Variants in MACF1 observed in about 807,000 individuals in gnomAD.
MACF1 encodes microtubule actin crosslinking factor 1.
MACF1 carries 193 observed loss-of-function variants against 854.8 expected under a neutral mutation model. The ratio of observed to expected loss-of-function variants is 0.23; its 90% confidence interval spans 0.20 to 0.25. The LOEUF is 0.25. Ranked by LOEUF, MACF1 falls within the 10% of genes least tolerant of loss-of-function variation. The probability of loss-of-function intolerance (pLI) is 1.00; values close to 1 mark genes in which losing one functional copy is unlikely to be tolerated. For missense variants in MACF1, 7,722 were observed against 8,929.1 expected (o/e 0.86, Z 5.45); for synonymous variants, 3,185 against 3,226.7 (o/e 0.99, Z 0.44).
chr1:39,363,909 G>C (rs1648439921), intron 49 of MACF1, among the ~76,000 whole-genome samples: 1 of 152,124 alleles, frequency 6.6e-6, no homozygotes, highest in South Asian at 2.1e-4. Context: ...ACCACACCTG[G>C]CCAACAAGAC....
At chr1:39,384,993 C>CTT (rs1650559380) in intron 56 of MACF1, among the ~76,000 whole-genome samples, 1 of 152,182 alleles carries the variant, frequency 6.6e-6, no homozygotes, top group African/African-American at 2.4e-5. Flanking sequence ...TAGCCTGGTC[C>CTT]TTTAGTTTTC....
intron 97 of MACF1, among the ~76,000 whole-genome samples, chr1:39,477,153 C>CACACACACACAA (rs1644923661): frequency 8.4e-6 from 1 of 119,246 alleles, no homozygotes; most frequent in South Asian, 2.7e-4. Flanking sequence ...CACACACACA[C>CACACACACACAA]AGATGTGCAA....
intron 2 of MACF1, among the ~76,000 whole-genome samples, chr1:39,137,813 C>T (rs1643220143): frequency 6.6e-6 from 1 of 152,078 alleles, no homozygotes; most frequent in African/African-American, 2.4e-5. Flanking sequence ...GTGGGTCATG[C>T]CTGTATTCCC....
Position 39,379,418 on chromosome 1 carries a change from G to A in MACF1, c.13492G>A (p.Val4498Met). ...AMSSPTKTET[V>M]KAQAESNKAF... ...GTCATCTCCAACCAAGACAGAAACA[G>A]TGAAAGCCCAAGCTGAATCTAACAA... The change falls in exon 54 of 101, where the codon GTG becomes ATG. Residue 4498 changes from valine to methionine, a missense_variant. Val to Met is a conservative substitution (Grantham distance 21). Transcript: ENST00000564288. 6.2e-7 allele frequency: 1 copy of A among 1,613,942 alleles called. No individual in the cohort carries two copies. Among genetic ancestry groups the A allele is most frequent in the Non-Finnish European group, 8.5e-7 (1 of 1,179,938 alleles).
chr1:39,457,146 A>G (rs1371705530), intron 89 of MACF1: 3 of 152,220 alleles, frequency 2.0e-5, no homozygotes, highest in Non-Finnish European at 4.4e-5. Flanking sequence ...CAGCACTATC[A>G]TCTCCTAAAG....
intron 60 of MACF1, among the ~76,000 whole-genome samples, chr1:39,423,761 C>T (rs1476958429): frequency 4.0e-5 from 6 of 151,552 alleles, no homozygotes; most frequent in Admixed American, 1.3e-4. Context: ...CCATTTTTTA[C>T]GGCACTTTTC....
chr1:39,197,442 G>A (rs1269529450), intron 2 of MACF1, among the ~76,000 whole-genome samples: 1 of 152,180 alleles, frequency 6.6e-6, no homozygotes, highest in Non-Finnish European at 1.5e-5. Flanking sequence ...TTTCCTAGGT[G>A]TTTTTGAATG....
intron 1 of MACF1, among the ~76,000 whole-genome samples, chr1:39,217,209 T>C (rs1644586818): frequency 6.6e-6 from 1 of 152,176 alleles, no homozygotes; most frequent in Non-Finnish European, 1.5e-5. Context: ...TCATATCATA[T>C]ACTCCTCACA....
chr1:39,133,475 TTAAC>T (rs781397728), intron 2 of MACF1, among the ~76,000 whole-genome samples: 11 of 152,292 alleles, frequency 7.2e-5, no homozygotes, highest in Non-Finnish European at 1.2e-4. Flanking sequence ...TTGTGTGTGT[TTAAC>T]TATAAGATTT....
At chr1:39,312,357 G>T (rs1646318152) in intron 26 of MACF1, among the ~76,000 whole-genome samples, 1 of 151,934 alleles carries the variant, frequency 6.6e-6, no homozygotes, top group South Asian at 2.1e-4. Context: ...CCATTTTTGT[G>T]CATTTGCTTT....
At chr1:39,190,381 G>T (rs1644236574) in intron 2 of MACF1, among the ~76,000 whole-genome samples, 2 of 116,268 alleles carry the variant, frequency 1.7e-5, no homozygotes, top group Admixed American at 1.0e-4. Context: ...GTGTGTGTGT[G>T]TGTGTGTGTG....
chr1:39,485,485 C>T, intron 100 of MACF1, 53 bp from the exon 101 acceptor site: 14 of 1,516,350 alleles, frequency 9.2e-6, no homozygotes, highest in Non-Finnish European at 1.2e-5. Flanking sequence ...CTCACTTGTT[C>T]TTCCACCCCA....
Position 39,251,937 on chromosome 1 carries a change from A to ATG in MACF1, c.355_356dup (p.Pro120TyrfsTer23). 1 of 1,509,286 alleles carries ATG rather than the reference A, an allele frequency of 6.6e-7. No homozygotes were observed. The highest frequency in any genetic ancestry group is 8.8e-7 in the Non-Finnish European group (1 of 1,133,704). The allele number at this position is 1,509,286 out of a possible 1,614,324, so 93.5% of individuals were successfully genotyped here. ...GAGCAGGCGGAGGAAGATGATGATG[A>ATG]TGTAGTAGGTCCTCCTGGGGATGCC... On this transcript the variant is annotated frameshift_variant, in exon 4 of 101. Coordinates refer to ENST00000564288, the MANE Select transcript of MACF1 (RefSeq NM_001394062.1). LOFTEE classifies it high-confidence loss of function.
At chr1:39,154,653 T>A (rs1388297173) in intron 2 of MACF1, among the ~76,000 whole-genome samples, 1 of 152,190 alleles carries the variant, frequency 6.6e-6, no homozygotes, top group East Asian at 1.9e-4. Flanking sequence ...GCTGACAGAC[T>A]TGCCCTGTTT....
At chr1:39,216,771 G>A (rs770971639) in intron 1 of MACF1, among the ~76,000 whole-genome samples, 12 of 151,894 alleles carry the variant, frequency 7.9e-5, no homozygotes, top group Non-Finnish European at 1.5e-4. Context: ...GGAGATAAAC[G>A]TATAGCAAAA....
Position 39,331,634 on chromosome 1 carries a change from T to C in MACF1, c.5046T>C (p.Ser1682=). 1 of 1,614,234 alleles carries C rather than the reference T, an allele frequency of 6.2e-7. No homozygotes were observed. Among genetic ancestry groups the C allele is most frequent in the East Asian group, 2.2e-5 (1 of 44,890 alleles). ...AGGCTTTTCATCAAGGCCTCATTTCTGCATGGCTTCATTCAGTATTAGAGT... is the reference window on the plus strand; with the variant it reads ...AGGCTTTTCATCAAGGCCTCATTTCCGCATGGCTTCATTCAGTATTAGAGT... ...LEEAFHQGLI[S]AWLHSVLESY... is the part of the protein sequence containing the mutation. Residue 1682 remains serine, a synonymous_variant, in exon 37 of 101, where the codon TCT becomes TCC. Transcript: ENST00000564288.
rs1469173916 is a variant in MACF1 at position 39,295,826 on chromosome 1, A to C, written c.2299A>C (p.Lys767Gln). The C allele has an allele frequency of 6.2e-7, 1 of 1,614,124 alleles. No homozygotes were observed. Among genetic ancestry groups the C allele is most frequent in the Non-Finnish European group, 8.5e-7 (1 of 1,180,000 alleles). Residue 767 changes from lysine to glutamine, a missense_variant, in exon 20 of 101, where the codon AAG becomes CAG. Transcript: ENST00000564288. ...AAVQSQLQWM[K>Q]QLCLCVEQHV... ...TGTCCAGTCCCAGTTGCAGTGGATGAAGCAGCTGTGCCTGTGTGTTGAGCA... is the reference window on the plus strand; with the variant it reads ...TGTCCAGTCCCAGTTGCAGTGGATGCAGCAGCTGTGCCTGTGTGTTGAGCA...
At chr1:39,200,665 C>T (rs1644378307), upstream of MACF1, among the ~76,000 whole-genome samples, 2 of 151,256 alleles carry the variant, frequency 1.3e-5, no homozygotes. Flanking sequence ...TGCCACTGCA[C>T]TGCAGCTTGG....
At chr1:39,337,086 A>G (rs1176885792) in intron 37 of MACF1, 96 bp from the exon 38 acceptor site, 6 of 1,164,922 alleles carry the variant, frequency 5.2e-6, no homozygotes, top group African/African-American at 4.6e-5. Context: ...TGCAGTAAAA[A>G]TTGCTTCTAT....
Sources: allele counts gnomAD v4.1 joint callset (sites outside exome capture counted in the v4.1 genomes callset), GRCh38; gene constraint gnomAD v4.1.1; transcripts MANE v1.5; gene names NCBI Gene and HGNC (gene_info 2026-07-23, HGNC 2026-07-21).